Variants in ZNF674 observed in about 807,000 individuals in gnomAD.
ZNF674 encodes zinc finger protein 674, also known as zinc finger family member 674.
ZNF674 carries 2 observed loss-of-function variants against 7.0 expected under a neutral mutation model. The ratio of observed to expected loss-of-function variants is 0.29; its 90% CI spans 0.12 to 0.90. The LOEUF (loss-of-function observed/expected upper bound fraction) is 0.90. Among genes scored for constraint, ZNF674 ranks in the 40% least tolerant of loss-of-function variants. The probability of loss-of-function intolerance (pLI) is 0.57; values close to 1 mark genes in which losing one functional copy is unlikely to be tolerated. For synonymous variants in ZNF674, 103 were observed against 145.2 expected (o/e 0.71, Z 2.09); for missense variants, 297 against 415.5 (o/e 0.71, Z 2.48).
chrX:46,525,968 T>C (rs1187888319), intron 5 of ZNF674, among the ~76,000 whole-genome samples: 3 of 111,768 alleles, frequency 2.7e-5, no homozygotes, highest in East Asian at 5.6e-4. Flanking sequence ...CTACAAAACA[T>C]TGAGATAAAA....
At chrX:46,513,856 A>C (rs750513745) in intron 5 of ZNF674, among the ~76,000 whole-genome samples, 43 of 111,293 alleles carry the variant, frequency 3.9e-4, no homozygotes, top group Admixed American at 1.7e-3. Flanking sequence ...ACTTGAGTCC[A>C]GGAGTTCAAG....
intron 3 of ZNF674, among the ~76,000 whole-genome samples, chrX:46,533,811 CAAAA>C (rs763490420): frequency 1.3e-4 from 3 of 23,927 alleles, no homozygotes; most frequent in Non-Finnish European, 2.0e-4. Context: ...GACCCTGTCT[CAAAA>C]AAAAAAAAAA....
chrX:46,500,842 C>A lies in ZNF674; in HGVS notation c.732G>T (p.Glu244Asp). The A allele has an allele frequency of 1.7e-6, 2 of 1,188,151 alleles. No homozygotes were observed. Among genetic ancestry groups the A allele is most frequent in the South Asian group, 3.6e-5 (2 of 55,029 alleles). ...LVVHQRTHTG[E>D]KPYECCECAK... ...CACATTCGCAGCATTCATAAGGTTT[C>A]TCTCCGGTGTGAGTTCTTTGATGTA... The change falls in exon 6 of 6, where the codon GAG becomes GAT. Residue 244 changes from glutamate (E) to aspartate (D), a missense_variant. Coordinates refer to ENST00000683375, the MANE Select transcript of ZNF674 (RefSeq NM_001190417.2).
intron 3 of ZNF674, among the ~76,000 whole-genome samples, chrX:46,537,703 T>C (rs932565888): frequency 8.9e-6 from 1 of 112,386 alleles, no homozygotes; most frequent in Non-Finnish European, 1.9e-5. Flanking sequence ...TTCAAATATG[T>C]CTTCTGACTC....
At chrX:46,533,675 T>A (rs1942147838) in intron 3 of ZNF674, among the ~76,000 whole-genome samples, 1 of 105,151 alleles carries the variant, frequency 9.5e-6, no homozygotes, top group Non-Finnish European at 1.9e-5. Context: ...GGCAGGAGAA[T>A]CACCTATAAT....
chrX:46,535,273 C>G (rs912714945), intron 3 of ZNF674, among the ~76,000 whole-genome samples: 2 of 110,559 alleles, frequency 1.8e-5, no homozygotes, highest in African/African-American at 6.6e-5. Context: ...CAGCTTCCCT[C>G]GTAGCTGGAA....
At chrX:46,524,830 C>T (rs1030456810) in intron 5 of ZNF674, among the ~76,000 whole-genome samples, 2 of 110,504 alleles carry the variant, frequency 1.8e-5, no homozygotes, top group African/African-American at 6.6e-5. Flanking sequence ...GGCAACACAA[C>T]AAGACCTCAT....
chrX:46,518,520 G>A (rs1203945498), intron 5 of ZNF674, among the ~76,000 whole-genome samples: 1 of 109,834 alleles, frequency 9.1e-6, no homozygotes, highest in East Asian at 2.8e-4. Context: ...GAGGCAAGAG[G>A]ATTGCTTGTG....
chrX:46,501,662 A>ATGTGTGTGTGTGTGTG (rs372308686), intron 5 of ZNF674, among the ~76,000 whole-genome samples: 89 of 102,355 alleles, frequency 8.7e-4, no homozygotes, highest in African/African-American at 2.9e-3. Context: ...TTGTATATAT[A>ATGTGTGTGTGTGTGTG]TGTGTGTGTG....
intron 3 of ZNF674, among the ~76,000 whole-genome samples, chrX:46,535,284 C>A (rs1221594019): frequency 9.1e-6 from 1 of 110,481 alleles, no homozygotes; most frequent in Non-Finnish European, 1.9e-5. Flanking sequence ...GTAGCTGGAA[C>A]TATAGGCACG....
intron 5 of ZNF674, among the ~76,000 whole-genome samples, chrX:46,514,501 CTG>C (rs1441798806): frequency 2.7e-5 from 3 of 111,233 alleles, no homozygotes; most frequent in African/African-American, 9.8e-5. Flanking sequence ...CAAAAGGAGA[CTG>C]AAGGTACACC....
rs1941411092 is a variant in ZNF674 at position 46,500,826 on chromosome X, A to G, written c.748T>C (p.Cys250Arg). Reference protein sequence around the residue: ...THTGEKPYECCECAKAFSQKS... With the variant: ...THTGEKPYECRECAKAFSQKS... ...TGGCTGAAGGCTTTTGCACATTCGC[A>G]GCATTCATAAGGTTTCTCTCCGGTG... is the stretch of plus-strand genomic sequence containing the variant. The change falls in exon 6 of 6, where the codon TGC (cysteine) becomes CGC (arginine). Residue 250 changes from cysteine to arginine, a missense_variant. Physicochemically the swap from Cys to Arg is radical, Grantham distance 180 (BLOSUM62 -3). Coordinates refer to ENST00000683375, the MANE Select transcript of ZNF674 (RefSeq NM_001190417.2). 2 of 1,191,566 alleles carry G rather than the reference A, an allele frequency of 1.7e-6. No individual in the cohort carries two copies. The highest frequency in any genetic ancestry group is 4.7e-5 in the Admixed American group (2 of 42,824).
At chrX:46,502,140 T>C (rs764673035) in intron 5 of ZNF674, among the ~76,000 whole-genome samples, 13 of 109,034 alleles carry the variant, frequency 1.2e-4, no homozygotes, top group African/African-American at 3.3e-4. Flanking sequence ...ACCCTGTCTC[T>C]ACTAAAAATA....
At chrX:46,537,357 G>C (rs1284010815) in intron 3 of ZNF674, among the ~76,000 whole-genome samples, 1 of 109,744 alleles carries the variant, frequency 9.1e-6, no homozygotes, top group Non-Finnish European at 1.9e-5. Context: ...CACAGTAGGA[G>C]CATATTTTCA....
chrX:46,539,337 G>T (rs751904201), intron 3 of ZNF674, among the ~76,000 whole-genome samples: 2 of 112,853 alleles, frequency 1.8e-5, no homozygotes, highest in East Asian at 5.5e-4. Flanking sequence ...ATATACTGCC[G>T]CTAGGAGTAC....
chrX:46,534,723 T>C (rs1306251494), intron 3 of ZNF674, among the ~76,000 whole-genome samples: 1 of 109,409 alleles, frequency 9.1e-6, no homozygotes, highest in Admixed American at 9.8e-5. Context: ...AATTTTACAG[T>C]GGCTAAAAGC....
chrX:46,536,406 A>G (rs1856054590), intron 3 of ZNF674, among the ~76,000 whole-genome samples: 1 of 110,954 alleles, frequency 9.0e-6, no homozygotes, highest in Admixed American at 9.7e-5. Context: ...CCTGGCCAAC[A>G]TGGTGAAACC....
chrX:46,537,202 T>C (rs1942215234), intron 3 of ZNF674, among the ~76,000 whole-genome samples: 1 of 108,340 alleles, frequency 9.2e-6, no homozygotes, highest in Non-Finnish European at 1.9e-5. Flanking sequence ...ACTCGGGAGG[T>C]GGAGGTTGCA....
intron 3 of ZNF674, among the ~76,000 whole-genome samples, chrX:46,535,676 G>GA (rs1214955668): frequency 8.9e-6 from 1 of 111,741 alleles, no homozygotes; most frequent in Non-Finnish European, 1.9e-5. Context: ...CAAGTATGTA[G>GA]AAAAAACACC....
Sources: allele counts gnomAD v4.1 joint callset (sites outside exome capture counted in the v4.1 genomes callset), GRCh38; gene constraint gnomAD v4.1.1; transcripts MANE v1.5; gene names NCBI Gene and HGNC (gene_info 2026-07-23, HGNC 2026-07-21).